The following OTUD7A variants were observed in gnomAD, a reference collection of about 807,000 sequenced individuals.
The protein encoded by OTUD7A is OTU deubiquitinase 7A.
Under a neutral mutation model 65.7 loss-of-function variants are expected in OTUD7A, and 12 were observed. The observed-to-expected ratio is 0.18, with a 90% CI of 0.12 to 0.30. The LOEUF (loss-of-function observed/expected upper bound fraction) is 0.30, where lower values mean the gene tolerates loss of function less well. OTUD7A is among the 10% of genes least tolerant of loss of function. The pLI is 1.00. For synonymous variants in OTUD7A, 641 were observed against 586.3 expected, an observed-to-expected ratio of 1.09 and a Z score of -1.35; for missense variants, 1,148 against 1,304.8, an observed-to-expected ratio of 0.88 and a Z score of 1.85.
At chr15:31,719,239 C>T (rs1024880939) in intron 1 of OTUD7A, among the ~76,000 whole-genome samples, 5 of 152,176 alleles carry the variant, frequency 3.3e-5, no homozygotes, top group Admixed American at 6.5e-5. Context: ...CACCATTGCT[C>T]GCCCATGCAT....
chr15:31,521,575 G>A (rs1442460723), intron 8 of OTUD7A, among the ~76,000 whole-genome samples: 1 of 152,146 alleles, frequency 6.6e-6, no homozygotes, highest in African/African-American at 2.4e-5. Context: ...GCACCAGGCT[G>A]TGGTGTGGGC....
chr15:31,838,922 T>C (rs1897120884), intron 1 of OTUD7A, among the ~76,000 whole-genome samples: 1 of 152,202 alleles, frequency 6.6e-6, no homozygotes, highest in Non-Finnish European at 1.5e-5. Flanking sequence ...GCATGTTGGG[T>C]CATGACTGAG....
chr15:31,531,330 T>G (rs957729168), intron 5 of OTUD7A, among the ~76,000 whole-genome samples: 15 of 151,904 alleles, frequency 9.9e-5, no homozygotes, highest in African/African-American at 4.8e-5. Flanking sequence ...TCTTACTAAG[T>G]ACAACGAAAA....
chr15:31,615,683 T>C (rs1890564702), intron 3 of OTUD7A, among the ~76,000 whole-genome samples: 1 of 152,238 alleles, frequency 6.6e-6, no homozygotes, highest in Non-Finnish European at 1.5e-5. Flanking sequence ...AAATTGATCA[T>C]ATGCTAGGCC....
intron 5 of OTUD7A, among the ~76,000 whole-genome samples, chr15:31,546,254 A>G (rs1308073998): frequency 6.6e-6 from 1 of 152,210 alleles, no homozygotes; most frequent in African/African-American, 2.4e-5. Context: ...CCTGTACAAG[A>G]ATGTTCATAG....
intron 5 of OTUD7A, among the ~76,000 whole-genome samples, chr15:31,531,782 G>A: frequency 6.6e-6 from 1 of 152,144 alleles, no homozygotes; most frequent in Non-Finnish European, 1.5e-5. Context: ...GTCAGAGAAG[G>A]CTGAGTACAA....
At chr15:31,664,532 A>C (rs1189980088) in intron 1 of OTUD7A, among the ~76,000 whole-genome samples, 1 of 74,704 alleles carries the variant, frequency 1.3e-5, no homozygotes, top group Non-Finnish European at 2.5e-5. Flanking sequence ...TACTGATTTG[A>C]GTTTGTGGTA....
chr15:31,857,659 C>T (rs952783693), intron 1 of OTUD7A, among the ~76,000 whole-genome samples: 9 of 152,276 alleles, frequency 5.9e-5, no homozygotes, highest in East Asian at 5.8e-4. Flanking sequence ...TGCTCCAGGG[C>T]GGGGATGACA....
chr15:31,566,639 G>T (rs1244017867), intron 4 of OTUD7A, among the ~76,000 whole-genome samples: 1 of 152,124 alleles, frequency 6.6e-6, no homozygotes. Flanking sequence ...TTGGAGGGGG[G>T]GTCTGGTGGG....
intron 4 of OTUD7A, 65 bp downstream of exon 4, chr15:31,569,953 C>T (rs1888117063): frequency 1.3e-6 from 2 of 1,573,180 alleles, no homozygotes; most frequent in Non-Finnish European, 1.7e-6. Flanking sequence ...TACCACGCAA[C>T]CCGCCTGCAA....
At chr15:31,808,136 C>CACACACAAAAAAAAA (rs772574742) in intron 1 of OTUD7A, among the ~76,000 whole-genome samples, 1 of 119,410 alleles carries the variant, frequency 8.4e-6, no homozygotes, top group African/African-American at 2.8e-5. Context: ...CACACACACA[C>CACACACAAAAAAAAA]AAACAAATCC....
At position 31,645,597 on chromosome 15, in the gene OTUD7A, A is replaced by G. The variant is rs543850874; in HGVS notation, c.151+9499T>C. On this transcript the variant is annotated intron_variant, in intron 3 of 12. Coordinates refer to ENST00000307050, the MANE Select transcript of OTUD7A (RefSeq NM_001382637.1). ...TTAGCACTATCATAATAAAAATATCATATCTAAAAGTAGTTATTCTTTAAT... is the reference window on the plus strand; with the variant it reads ...TTAGCACTATCATAATAAAAATATCGTATCTAAAAGTAGTTATTCTTTAAT... 9.8e-5 allele frequency among the ~76,000 whole-genome samples: 15 copies of G among 152,344 alleles called. No homozygotes were observed. The East Asian group carries it at 2.9e-3, about 29-fold the overall frequency.
intron 1 of OTUD7A, among the ~76,000 whole-genome samples, chr15:31,825,771 T>C (rs1316712175): frequency 6.6e-6 from 1 of 152,130 alleles, no homozygotes; most frequent in African/African-American, 2.4e-5. Context: ...CTAGATACAA[T>C]GGGGGTACAG....
At position 31,487,422 on chromosome 15, in the gene OTUD7A, G is replaced by A. The variant is rs367976041; in HGVS notation, c.1286+30C>T. On this transcript the variant is annotated intron_variant, in intron 11 of 12. Coordinates refer to ENST00000307050, the MANE Select transcript of OTUD7A (RefSeq NM_001382637.1). The surrounding 1 kb of genome is among the most constrained non-coding windows in gnomAD (Gnocchi z 6.0). ...CCCAGCCATAGCCCTCCCTGTGGGC[G>A]CTGGGGAAAGGGACAGAGTAGGATC... 321 of 1,605,496 alleles carry A rather than the reference G, an allele frequency of 2.0e-4. No individual in the cohort carries two copies. The African/African-American group carries it at 3.2e-3, about 16-fold the overall frequency.
chr15:31,676,694 A>G (rs35851025), intron 1 of OTUD7A, among the ~76,000 whole-genome samples: 50,828 of 152,074 alleles, frequency 0.33, 11,052 homozygotes, highest in African/African-American at 0.62. Context: ...AAACATCTCC[A>G]ACGAAGCTGA....
chr15:31,753,772 T>C (rs564458487), intron 1 of OTUD7A, among the ~76,000 whole-genome samples: 21 of 147,392 alleles, frequency 1.4e-4, no homozygotes, highest in Admixed American at 9.6e-4. Flanking sequence ...CCTTGATTGA[T>C]AGGCATTTGG....
At chr15:31,643,903 C>T (rs1026300082) in intron 3 of OTUD7A, among the ~76,000 whole-genome samples, 5 of 152,198 alleles carry the variant, frequency 3.3e-5, no homozygotes, top group African/African-American at 1.2e-4. Flanking sequence ...AATCACTCCT[C>T]TTCTAATAGA....
chr15:31,782,105 C>T (rs1049484418), intron 1 of OTUD7A, among the ~76,000 whole-genome samples: 18 of 152,312 alleles, frequency 1.2e-4, no homozygotes, highest in African/African-American at 4.3e-4. Flanking sequence ...TGTCCTCAGA[C>T]GTGACGCACA....
chr15:31,663,925 T>C (rs991969098), intron 1 of OTUD7A, among the ~76,000 whole-genome samples: 1 of 152,200 alleles, frequency 6.6e-6, no homozygotes, highest in African/African-American at 2.4e-5. Flanking sequence ...CATACGATGT[T>C]TGGTTTTCCA....
Sources: allele counts gnomAD v4.1 joint callset (sites outside exome capture counted in the v4.1 genomes callset), GRCh38; gene constraint gnomAD v4.1.1; non-coding constraint Gnocchi (gnomAD v3.1); transcripts MANE v1.5; gene names NCBI Gene and HGNC (gene_info 2026-07-23, HGNC 2026-07-21).